SUSD4: variants seen among roughly 807,000 people sequenced by gnomAD.
SUSD4 encodes sushi domain containing 4.
Under a neutral mutation model 50.5 loss-of-function variants are expected in SUSD4, and 41 were observed. The observed-to-expected ratio is 0.81, with a 90% CI of 0.63 to 1.05. The LOEUF (loss-of-function observed/expected upper bound fraction) is 1.05, where lower values mean the gene tolerates loss of function less well. Among genes scored for constraint, SUSD4 ranks in the 50% least tolerant of loss-of-function variants. The pLI, the probability that SUSD4 is intolerant of heterozygous loss-of-function variation, is 0.00. For synonymous variants in SUSD4, 257 were observed against 257.3 expected (o/e 1.00, Z 0.01); for missense variants, 580 against 634.7 (o/e 0.91, Z 0.93).
chr1:223,232,076 C>T (rs1659933468), intron 5 of SUSD4, among the ~76,000 whole-genome samples: 1 of 152,164 alleles, frequency 6.6e-6, no homozygotes, highest in African/African-American at 2.4e-5. Flanking sequence ...CACAGAAAGA[C>T]AAGATACTGC....
At chr1:223,304,847 T>C (rs1409507790) in intron 2 of SUSD4, among the ~76,000 whole-genome samples, 1 of 73,632 alleles carries the variant, frequency 1.4e-5, no homozygotes, top group Admixed American at 1.6e-4. Flanking sequence ...TATATATATA[T>C]ATATATATAT....
chr1:223,319,931 C>T (rs1666470713), intron 2 of SUSD4, among the ~76,000 whole-genome samples: 1 of 152,172 alleles, frequency 6.6e-6, no homozygotes, highest in Non-Finnish European at 1.5e-5. Context: ...TCCAGTCGTA[C>T]CACTTATTAG....
intron 2 of SUSD4, among the ~76,000 whole-genome samples, chr1:223,300,843 T>C (rs558096388): frequency 2.5e-4 from 38 of 152,278 alleles, no homozygotes; most frequent in Non-Finnish European, 4.4e-4. Flanking sequence ...ATGGTTGCCA[T>C]TAAAGCCATT....
intron 2 of SUSD4, among the ~76,000 whole-genome samples, chr1:223,348,749 C>T (rs1379685139): frequency 6.6e-6 from 1 of 152,162 alleles, no homozygotes; most frequent in Admixed American, 6.5e-5. Flanking sequence ...TCTTTGTGAC[C>T]TGTATCAACA....
rs538848238 is a variant in SUSD4 at position 223,330,888 on chromosome 1, A to G, written c.148+32390T>C. 7.5e-4 allele frequency among the ~76,000 whole-genome samples: 114 copies of G among 152,344 alleles called. 4 individuals are homozygous for G. In the South Asian group the frequency reaches 0.023, roughly 31 times the overall value. ...CTCCACATCACAGAAGTATTCACCT[A>G]TCAGAACTAGAAGATGGAAGGATGG... On this transcript the variant is annotated intron_variant, in intron 2 of 8. Coordinates refer to ENST00000366878, the MANE Select transcript of SUSD4 (RefSeq NM_017982.4).
intron 5 of SUSD4, among the ~76,000 whole-genome samples, chr1:223,245,628 G>A (rs1380791857): frequency 3.3e-5 from 5 of 152,170 alleles, no homozygotes. Flanking sequence ...CAAAGAGTGG[G>A]AACTGGCATA....
chr1:223,238,572 A>T (rs1451075783), intron 5 of SUSD4, among the ~76,000 whole-genome samples: 2 of 152,028 alleles, frequency 1.3e-5, no homozygotes, highest in African/African-American at 4.8e-5. Flanking sequence ...AAATATTTTT[A>T]AAATTTTTCC....
rs548334322 is a variant in SUSD4, at chr1:223,359,522, CT to C, written c.148+3755del. Among the ~76,000 whole-genome samples the C allele has an allele frequency of 1.1e-4, 17 of 152,348 alleles. No homozygotes were observed. In the East Asian group the frequency reaches 2.9e-3, roughly 26 times the overall value. ...GGATGTGGCCCCAGCTATCATGAAA[CT>C]TTTGCACTTTTGTAAAAAGTAACTC... On this transcript the variant is annotated intron_variant, in intron 2 of 8. Transcript: ENST00000366878.
At chr1:223,312,310 G>T (rs1665925304) in intron 2 of SUSD4, among the ~76,000 whole-genome samples, 1 of 152,120 alleles carries the variant, frequency 6.6e-6, no homozygotes, top group Admixed American at 6.5e-5. Flanking sequence ...GGGCAAATAG[G>T]ACAGGCTGGG....
At chr1:223,242,830 G>A (rs1389802325) in intron 5 of SUSD4, among the ~76,000 whole-genome samples, 1 of 152,202 alleles carries the variant, frequency 6.6e-6, no homozygotes, top group African/African-American at 2.4e-5. Flanking sequence ...CTGGGATGGG[G>A]ATCCATGACT....
chr1:223,361,524 C>T (rs1668977548), intron 2 of SUSD4, among the ~76,000 whole-genome samples: 1 of 152,058 alleles, frequency 6.6e-6, no homozygotes, highest in South Asian at 2.1e-4. Context: ...GCTATAGGAA[C>T]CTCATAGGTG....
intron 2 of SUSD4, among the ~76,000 whole-genome samples, chr1:223,297,827 T>C (rs555263109): frequency 1.3e-5 from 2 of 152,298 alleles, no homozygotes; most frequent in Middle Eastern, 6.8e-3. Flanking sequence ...GTGTGTGGTA[T>C]AAAGTGGACA....
chr1:223,348,610 T>C (rs1668174505), intron 2 of SUSD4, among the ~76,000 whole-genome samples: 1 of 152,202 alleles, frequency 6.6e-6, no homozygotes, highest in South Asian at 2.1e-4. Context: ...CTCTGATGCC[T>C]ACCAGTCCAA....
chr1:223,338,579 C>A (rs1273591024), intron 2 of SUSD4, among the ~76,000 whole-genome samples: 1 of 152,176 alleles, frequency 6.6e-6, no homozygotes, highest in African/African-American at 2.4e-5. Context: ...TGGAAGGGGG[C>A]AATGCCAGAG....
intron 3 of SUSD4, among the ~76,000 whole-genome samples, chr1:223,274,270 C>T (rs1663111879): frequency 6.6e-6 from 1 of 152,130 alleles, no homozygotes; most frequent in Non-Finnish European, 1.5e-5. Flanking sequence ...ATTTGACCAC[C>T]AGCAATTAAC....
At chr1:223,346,600 AG>A (rs1191618915) in intron 2 of SUSD4, among the ~76,000 whole-genome samples, 3 of 152,130 alleles carry the variant, frequency 2.0e-5, no homozygotes, top group African/African-American at 7.2e-5. Flanking sequence ...TTTGGGACCC[AG>A]CCCCACCACT....
upstream of SUSD4, among the ~76,000 whole-genome samples, chr1:223,364,906 G>A (rs922138813): frequency 1.3e-5 from 2 of 152,118 alleles, no homozygotes; most frequent in African/African-American, 4.8e-5. This position sits in a 1 kb window ranked among gnomAD's most constrained non-coding sequence, Gnocchi z 4.5. Context: ...ACCATCTGAG[G>A]CGGCTGAGAG....
upstream of SUSD4, among the ~76,000 whole-genome samples, chr1:223,365,048 G>T (rs1347221225): frequency 6.6e-6 from 1 of 152,142 alleles, no homozygotes; most frequent in East Asian, 1.9e-4. Flanking sequence ...GCTCCCGGGG[G>T]CGGGGAGGCG....
chr1:223,222,929 A>G (rs1456480146), intron 8 of SUSD4, among the ~76,000 whole-genome samples: 1 of 152,214 alleles, frequency 6.6e-6, no homozygotes, highest in Non-Finnish European at 1.5e-5. Flanking sequence ...TACATTCCAG[A>G]TCATACAGAC....
Sources: allele counts gnomAD v4.1 joint callset (sites outside exome capture counted in the v4.1 genomes callset), GRCh38; gene constraint gnomAD v4.1.1; non-coding constraint Gnocchi (gnomAD v3.1); transcripts MANE v1.5; gene names NCBI Gene and HGNC (gene_info 2026-07-23, HGNC 2026-07-21).